The following C3 variants were observed in gnomAD, a reference collection of about 807,000 sequenced individuals.
C3 encodes the protein complement C3, also known as C3 and PZP-like alpha-2-macroglobulin domain-containing protein 1.
C3 carries 97 observed loss-of-function variants against 207.9 expected under a neutral mutation model. That is an observed-to-expected ratio of 0.47 (90% CI 0.40 to 0.55). The LOEUF is 0.55. Ranked by LOEUF, C3 falls within the 20% of genes least tolerant of loss-of-function variation. C3 has a pLI of 0.00. For missense variants in C3, 1,684 were observed against 2,171.7 expected, an observed-to-expected ratio of 0.78 and a Z score of 4.46; for synonymous variants, 848 against 857.6, an observed-to-expected ratio of 0.99 and a Z score of 0.20.
chr19:6,701,666 G>A (rs2547436), intron 19 of C3, among the ~76,000 whole-genome samples: 91,920 of 151,676 alleles, frequency 0.61, 28,266 homozygotes, highest in East Asian at 0.84. Context: ...GATTATAGGC[G>A]CCCGCCACCC....
intron 33 of C3, chr19:6,683,432 T>C (rs918130671): frequency 4.1e-5 from 6 of 145,196 alleles, no homozygotes; most frequent in African/African-American, 1.5e-4. Flanking sequence ...TGTATCTTTA[T>C]TTTGTTTTAT....
rs1451067963 is a variant in C3, at chr19:6,711,027, T to A, written c.1439A>T (p.Asp480Val). The A allele has an allele frequency of 6.2e-7, 1 of 1,613,894 alleles. No individual in the cohort carries two copies. Among genetic ancestry groups the A allele is most frequent in the African/African-American group, 1.3e-5 (1 of 74,860 alleles). Reference protein sequence around the residue: ...TLNVNFLLRMDRAHEAKIRYY... With the variant: ...TLNVNFLLRMVRAHEAKIRYY... ...GCGGATCTTGGCCTCGTGGGCGCGG[T>A]CCATTCGCAGGAGGAAGTTGACGTT... is the stretch of plus-strand genomic sequence containing the variant. The change falls in exon 12 of 41, where the codon GAC (aspartate) becomes GTC (valine). Residue 480 changes from aspartate (D) to valine (V), a missense_variant. Coordinates refer to ENST00000245907, the MANE Select transcript of C3 (RefSeq NM_000064.4).
intron 4 of C3, chr19:6,716,655 C>T (rs989295267): frequency 1.3e-5 from 2 of 152,216 alleles, no homozygotes; most frequent in Admixed American, 6.5e-5. Flanking sequence ...TATATACCAG[C>T]ATTGTGCTGA....
chr19:6,710,334 A>C (rs2145427118), intron 13 of C3, among the ~76,000 whole-genome samples: 1 of 131,818 alleles, frequency 7.6e-6, no homozygotes, highest in East Asian at 3.0e-4. Flanking sequence ...GGAGAGAGAA[A>C]AGGAGAGAGA....
At chr19:6,692,521 A>G (rs1349525127) in intron 26 of C3, among the ~76,000 whole-genome samples, 1 of 152,094 alleles carries the variant, frequency 6.6e-6, no homozygotes, top group East Asian at 1.9e-4. Flanking sequence ...GTCTCCAAAT[A>G]AGGAGGGGCG....
At position 6,681,974 on chromosome 19, in the gene C3, G is replaced by C. The variant is rs779838912; in HGVS notation, c.4317C>G (p.Ser1439=). 11 of 1,614,060 alleles carry C rather than the reference G, an allele frequency of 6.8e-6. No homozygotes were observed. Among genetic ancestry groups the C allele is most frequent in the East Asian group, 4.5e-5 (2 of 44,876 alleles). Residue 1439 remains serine, a synonymous_variant, in exon 35 of 41, where the codon TCC becomes TCG. Transcript: ENST00000245907. The part of the protein sequence containing the change: ...ISKYELDKAF[S]DRNTLIIYLD... ...GGTAGATGATGAGGGTGTTCCTATC[G>C]GAGAAGGCTTTGTCCAGCTCATACT...
chr19:6,710,679 T>C lies in C3; in HGVS notation c.1646A>G (p.Asp549Gly), dbSNP rs1599522566. Residue 549 changes from aspartate (D) to glycine (G), a missense_variant, in exon 13 of 41, where the codon GAC becomes GGC. Asp to Gly is a moderately conservative substitution (Grantham distance 94). Coordinates refer to ENST00000245907, the MANE Select transcript of C3 (RefSeq NM_000064.4). ...GASGQREVVA[D>G]SVWVDVKDSC... The stretch of plus-strand genomic sequence containing the variant: ...GTCCTTGACGTCCACCCACACGGAG[T>C]CGGCCACCACCTCCCTCTGGCCGCT... 1 of 1,612,032 alleles carries C rather than the reference T, an allele frequency of 6.2e-7. No individual in the cohort carries two copies. Among genetic ancestry groups the C allele is most frequent in the Non-Finnish European group, 8.5e-7 (1 of 1,179,584 alleles).
At chr19:6,688,830 G>T (rs1401632891) in intron 27 of C3, among the ~76,000 whole-genome samples, 1 of 151,942 alleles carries the variant, frequency 6.6e-6, no homozygotes, top group African/African-American at 2.4e-5. Flanking sequence ...GGCCACAGTG[G>T]AAACAGCCAT....
intron 14 of C3, 73 bp downstream of exon 14, chr19:6,709,611 T>TACCCCC: frequency 3.6e-6 from 4 of 1,109,446 alleles, no homozygotes; most frequent in African/African-American, 1.5e-5. Context: ...CCCTCTCCAG[T>TACCCCC]CCCACCCACC....
rs748108113 is a variant in C3, at chr19:6,684,943, G to A, written c.3969+45C>T. The stretch of plus-strand genomic sequence containing the variant: ...TTCCCAGTAAACCCTGGCTAGTGTA[G>A]GGGGAGACAGCCAGAGTGAGGAGGG... On this transcript the variant is annotated intron_variant, in intron 30 of 40. Coordinates refer to ENST00000245907, the MANE Select transcript of C3 (RefSeq NM_000064.4). 37 of 1,612,094 alleles carry A rather than the reference G, an allele frequency of 2.3e-5. No individual in the cohort carries two copies. The South Asian group carries it at 3.7e-4, about 16-fold the overall frequency.
At chr19:6,688,564 GGCTGGAGTGCAGTGGCGCAATC>G (rs1196440342) in intron 27 of C3, among the ~76,000 whole-genome samples, 3 of 149,442 alleles carry the variant, frequency 2.0e-5, no homozygotes, top group Non-Finnish European at 4.5e-5. Flanking sequence ...GTGTTGCCCA[GGCTGGAGTGCAGTGGCGCAATC>G]TCGGCTCACT....
intron 19 of C3, 62 bp from the exon 20 acceptor site, chr19:6,697,856 TGGGTCTCAGCTCTTAGTCCACTCCGCA>T (rs1967573080): frequency 4.5e-6 from 7 of 1,547,606 alleles, no homozygotes; most frequent in Non-Finnish European, 6.1e-6. Context: ...GCCAGGCTCC[TGGGTCTCAGCTCTTAGTCCACTCCGCA>T]GGAGCTCTCC....
chr19:6,698,032 A>G (rs1322676138), intron 19 of C3, among the ~76,000 whole-genome samples: 1 of 139,602 alleles, frequency 7.2e-6, no homozygotes, highest in East Asian at 2.2e-4. Context: ...ATTATTAATT[A>G]TTTGAGACAG....
intron 19 of C3, among the ~76,000 whole-genome samples, chr19:6,700,219 T>TATATAATATATGTAATATACAATATATA (rs1327091414): frequency 0.016 from 2,144 of 132,354 alleles, 254 homozygotes; most frequent in African/African-American, 0.057. Context: ...ATATATTACA[T>TATATAATATATGTAATATACAATATATA]ATATATTATA....
chr19:6,697,352 T>C lies in C3; in HGVS notation c.2788A>G (p.Lys930Glu). The change falls in exon 21 of 41, where the codon AAG (lysine) becomes GAG (glutamate). Residue 930 changes from lysine to glutamate, a missense_variant. Around this residue, in one of 3 missense-constraint regions of C3, gnomAD observed 1,280 missense variants for 1,739.1 expected, o/e 0.74. Transcript: ENST00000245907. ...FISDGVRKSL[K>E]VVPEGIRMNK... ...GTGCCCCAAGCACTCACCACGACCT[T>C]CAGGGACTTCCTGACACCGTCACTG... 1 of 1,613,978 alleles carries C rather than the reference T, an allele frequency of 6.2e-7. No individual in the cohort carries two copies. Among genetic ancestry groups the C allele is most frequent in the Non-Finnish European group, 8.5e-7 (1 of 1,179,874 alleles).
chr19:6,720,008 G>A (rs1194135989), intron 1 of C3, among the ~76,000 whole-genome samples: 1 of 151,952 alleles, frequency 6.6e-6, no homozygotes, highest in Non-Finnish European at 1.5e-5. Flanking sequence ...AAAATTGCAA[G>A]TCCCCAAGCT....
rs1424832294 is a variant in C3, at chr19:6,689,350, TCC to T, written c.3489+1277_3489+1278del. Among the ~76,000 whole-genome samples the T allele has an allele frequency of 3.1e-3, 64 of 20,578 alleles. 1 individual carries two copies. Among genetic ancestry groups the T allele is most frequent in the African/African-American group, 0.01 (49 of 4,720 alleles). 13.5% of individuals were successfully genotyped at this position (20,578 alleles called of 152,430 possible). On this transcript the variant is annotated intron_variant, in intron 27 of 40. Coordinates refer to ENST00000245907, the MANE Select transcript of C3 (RefSeq NM_000064.4). ...CTACCTCCCTCCCTCCCTCCCTCCC[TCC>T]CTCCCTCCCTCTCTCTCTCTCTCTC...
rs376654186 is a variant in C3, at chr19:6,707,428, G to A, written c.2047+38C>T. ...CGGCCGGGCTGGGGTCTCCTGGGGT[G>A]GGGCTCGGGGGCAGGAGTGGGTAGG... On this transcript the variant is annotated intron_variant, in intron 16 of 40. Coordinates refer to ENST00000245907, the MANE Select transcript of C3 (RefSeq NM_000064.4). The A allele has an allele frequency of 1.9e-5, 31 of 1,610,584 alleles. No homozygotes were observed. In the African/African-American group the frequency reaches 3.3e-4, roughly 17 times the overall value.
In C3 at chr19:6,700,281, CAT is replaced by C. The variant is rs1232440493; in HGVS notation, c.2440+1844_2440+1845del. Among the ~76,000 whole-genome samples the C allele has an allele frequency of 3.5e-5, 2 of 57,758 alleles. 1 individual carries two copies. The highest frequency in any genetic ancestry group is 5.4e-5 in the Non-Finnish European group (2 of 36,814). The allele number at this position is 57,758 out of a possible 152,430, so 37.9% of individuals were successfully genotyped here. A position where few individuals can be genotyped will look rare whatever the true frequency, so the allele number is the denominator to read the frequency against. On this transcript the variant is annotated intron_variant, in intron 19 of 40. Coordinates refer to ENST00000245907, the MANE Select transcript of C3 (RefSeq NM_000064.4). ...TATATATGTAATATGCAACATATAA[CAT>C]ATTATATATGTGATATGCAATATAT...
Sources: gnomAD v4.1 joint callset for allele counts (sites outside exome capture counted in the v4.1 genomes callset) on GRCh38, gnomAD v4.1.1 for gene constraint, gnomAD v4.1.1 regional missense constraint, MANE v1.5 for transcripts, NCBI Gene and HGNC (gene_info 2026-07-23, HGNC 2026-07-21) for gene names.